TXNL4A: variants seen among roughly 807,000 people sequenced by gnomAD.
TXNL4A encodes the protein thioredoxin like 4A, also known as thioredoxin-like protein 4A.
A neutral mutation model predicts 14.6 loss-of-function variants in TXNL4A; 17 were observed. The observed-to-expected ratio is 1.16, with a 90% CI of 0.80 to 1.74. The LOEUF (loss-of-function observed/expected upper bound fraction) is 1.74. Among genes scored for constraint, TXNL4A ranks in the 40% most tolerant of loss-of-function variants. The pLI is 0.00. For missense variants in TXNL4A, 74 were observed against 195.2 expected, an observed-to-expected ratio of 0.38 and a Z score of 3.70; for synonymous variants, 83 against 70.6, an observed-to-expected ratio of 1.18 and a Z score of -0.88.
chr18:79,994,230 C>A (rs2051645579), intron 1 of TXNL4A, among the ~76,000 whole-genome samples: 1 of 152,170 alleles, frequency 6.6e-6, no homozygotes, highest in South Asian at 2.1e-4. Flanking sequence ...AAATGGGGAT[C>A]TTTTGAGATG....
At chr18:79,988,821 G>A (rs956807221), upstream of TXNL4A, among the ~76,000 whole-genome samples, 1 of 150,828 alleles carries the variant, frequency 6.6e-6, no homozygotes, top group African/African-American at 2.4e-5. Flanking sequence ...CTCCCGCCCC[G>A]AGGCCGCCCG....
chr18:80,019,365 A>G (rs1052080185), intron 1 of TXNL4A, among the ~76,000 whole-genome samples: 5 of 152,082 alleles, frequency 3.3e-5, no homozygotes, highest in Admixed American at 2.0e-4. Context: ...CCCCTGATAA[A>G]CCCATCAGGT....
chr18:80,031,230 G>A (rs1387970045), intron 1 of TXNL4A, among the ~76,000 whole-genome samples: 1 of 152,186 alleles, frequency 6.6e-6, no homozygotes, highest in Non-Finnish European at 1.5e-5. Flanking sequence ...CAGGACCTGT[G>A]GCCAAACAGT....
At chr18:80,005,237 C>T (rs1003321154) in intron 1 of TXNL4A, among the ~76,000 whole-genome samples, 8 of 152,232 alleles carry the variant, frequency 5.3e-5, no homozygotes, top group African/African-American at 9.6e-5. Flanking sequence ...TGTTGAGCAG[C>T]GGCCCTGGCC....
At chr18:79,986,424 C>G (rs2051548998) in intron 1 of TXNL4A, among the ~76,000 whole-genome samples, 1 of 145,100 alleles carries the variant, frequency 6.9e-6, no homozygotes, top group African/African-American at 2.4e-5. Flanking sequence ...AAACAAAAAT[C>G]AGACTATTTT....
intron 1 of TXNL4A, among the ~76,000 whole-genome samples, chr18:80,008,239 G>C (rs773713627): frequency 6.6e-6 from 1 of 152,186 alleles, no homozygotes; most frequent in Non-Finnish European, 1.5e-5. Context: ...TTGTTTTTCA[G>C]ATGTAAATGT....
chr18:79,974,744 G>T (rs1015936064), intron 2 of TXNL4A, among the ~76,000 whole-genome samples: 1 of 152,136 alleles, frequency 6.6e-6, no homozygotes, highest in Non-Finnish European at 1.5e-5. Flanking sequence ...CTCCCAAAGT[G>T]CTGGGATTAC....
At chr18:79,974,131 G>C (rs1396996416) in intron 2 of TXNL4A, among the ~76,000 whole-genome samples, 2 of 152,146 alleles carry the variant, frequency 1.3e-5, no homozygotes. Flanking sequence ...GGTCAAAGGA[G>C]GGCAGGCGCA....
intron 1 of TXNL4A, among the ~76,000 whole-genome samples, chr18:80,009,962 C>T (rs923645133): frequency 3.3e-5 from 5 of 152,134 alleles, no homozygotes; most frequent in Admixed American, 6.5e-5. Flanking sequence ...CATGTGTGAG[C>T]CCACTCACCC....
At chr18:80,013,724 G>A (rs1311273404) in intron 1 of TXNL4A, among the ~76,000 whole-genome samples, 5 of 152,224 alleles carry the variant, frequency 3.3e-5, no homozygotes, top group African/African-American at 7.2e-5. Context: ...GATTACAGGC[G>A]TGAGCCATTG....
At chr18:79,983,434 CCT>C (rs1370002397) in intron 1 of TXNL4A, among the ~76,000 whole-genome samples, 1 of 152,198 alleles carries the variant, frequency 6.6e-6, no homozygotes, top group African/African-American at 2.4e-5. Flanking sequence ...CTTCCGCATG[CCT>C]CTAAGTCCAC....
rs1165520178 is a variant in TXNL4A at position 79,973,459 on chromosome 18, G to C, written c.*226C>G. On this transcript the variant is annotated 3_prime_UTR_variant, in exon 3 of 3. Transcript: ENST00000269601. ...CAAGGGTAAGAATTAACTTTGACTA[G>C]GAAAATCAGTAATCTATTCATTAAG... 18 of 483,122 alleles carry C rather than the reference G, an allele frequency of 3.7e-5. No individual in the cohort carries two copies. The highest frequency in any genetic ancestry group is 6.3e-5 in the Non-Finnish European group (18 of 283,966). The allele number at this position is 483,122 out of a possible 1,614,324, so 29.9% of individuals were successfully genotyped here.
At chr18:79,986,892 G>T in intron 1 of TXNL4A, 1 of 481,898 alleles carries the variant, frequency 2.1e-6, no homozygotes, top group Non-Finnish European at 2.7e-6. Flanking sequence ...CTCAAGCAAT[G>T]ACAAACTGAT....
rs536706112 is a variant in TXNL4A at position 80,008,750 on chromosome 18, T to C, written c.-61+25101A>G. On this transcript the variant is annotated intron_variant, in intron 1 of 2. Coordinates refer to the TXNL4A transcript ENST00000585474. The stretch of plus-strand genomic sequence containing the variant: ...CTCACTTTCCTTTGAAAGAAGCAGT[T>C]GGAAATTCATTCTACTTCATTTTTC... 3.9e-5 allele frequency among the ~76,000 whole-genome samples: 6 copies of C among 152,288 alleles called. No homozygotes were observed. The South Asian group carries it at 1.2e-3, about 32-fold the overall frequency.
At chr18:79,995,874 G>A (rs539748232) in intron 1 of TXNL4A, among the ~76,000 whole-genome samples, 10 of 151,872 alleles carry the variant, frequency 6.6e-5, no homozygotes, top group East Asian at 1.9e-4. Context: ...AGGCTGAGGC[G>A]GGCAGATCAT....
At chr18:80,009,248 G>A (rs552679175) in intron 1 of TXNL4A, among the ~76,000 whole-genome samples, 3 of 152,164 alleles carry the variant, frequency 2.0e-5, no homozygotes, top group African/African-American at 7.2e-5. Context: ...TTAGCAGCTC[G>A]AATGGAATGG....
In TXNL4A at chr18:79,993,883, C is replaced by T. The variant is rs1599736601; in HGVS notation, c.-60-16182G>A. Among the ~76,000 whole-genome samples the T allele has an allele frequency of 6.6e-6, 1 of 152,114 alleles. No homozygotes were observed. The highest frequency in any genetic ancestry group is 1.5e-5 in the Non-Finnish European group (1 of 68,046). ...CTGGTAGGTGCATATAAGGAGCTGA[C>T]CCTTCCCACACCTGGAGCCCCTGAC... On this transcript the variant is annotated intron_variant, in intron 1 of 2. Transcript: ENST00000585474. This position sits in a 1 kb window ranked among gnomAD's most constrained non-coding sequence, Gnocchi z 4.4.
At chr18:80,019,399 C>A (rs182762567) in intron 1 of TXNL4A, among the ~76,000 whole-genome samples, 3 of 152,274 alleles carry the variant, frequency 2.0e-5, no homozygotes, top group Non-Finnish European at 4.4e-5. Flanking sequence ...ATCATGAGAA[C>A]AGCACAGGAA....
intron 1 of TXNL4A, among the ~76,000 whole-genome samples, chr18:80,020,081 G>C (rs1018055993): frequency 6.6e-6 from 1 of 152,178 alleles, no homozygotes; most frequent in African/African-American, 2.4e-5. Flanking sequence ...CTGTTCTCAT[G>C]ATAGTGAATG....
Sources: allele counts gnomAD v4.1 joint callset (sites outside exome capture counted in the v4.1 genomes callset), GRCh38; gene constraint gnomAD v4.1.1; non-coding constraint Gnocchi (gnomAD v3.1); transcripts MANE v1.5; gene names NCBI Gene and HGNC (gene_info 2026-07-23, HGNC 2026-07-21).